The following THSD4 variants were observed in gnomAD, a reference collection of about 807,000 sequenced individuals.
The protein encoded by THSD4 is thrombospondin type 1 domain containing 4.
THSD4 carries 69 observed loss-of-function variants against 119.0 expected under a neutral mutation model. The ratio of observed to expected loss-of-function variants is 0.58; its 90% confidence interval spans 0.48 to 0.71. The LOEUF (loss-of-function observed/expected upper bound fraction) is 0.71. Ranked by LOEUF, THSD4 falls within the 30% of genes least tolerant of loss-of-function variation. The probability of loss-of-function intolerance (pLI) is 0.00; values close to 1 mark genes in which losing one functional copy is unlikely to be tolerated. For missense variants in THSD4, 1,393 were observed against 1,391.1 expected (o/e 1.00, Z -0.02); for synonymous variants, 524 against 540.4 (o/e 0.97, Z 0.42).
intron 7 of THSD4, among the ~76,000 whole-genome samples, chr15:71,654,551 A>G (rs576144565): frequency 1.3e-5 from 2 of 152,218 alleles, no homozygotes; most frequent in Non-Finnish European, 2.9e-5. Context: ...CAAACGGTCT[A>G]TATTGCTAAA....
At chr15:71,712,152 A>T (rs2052529542) in intron 8 of THSD4, among the ~76,000 whole-genome samples, 1 of 152,208 alleles carries the variant, frequency 6.6e-6, no homozygotes, top group Non-Finnish European at 1.5e-5. Flanking sequence ...CTATAATATA[A>T]ACATCGCTTT....
chr15:71,777,106 A>T (rs1283412375), intron 17 of THSD4, 126 bp from the exon 18 acceptor site: 3 of 1,091,380 alleles, frequency 2.7e-6, no homozygotes, highest in Non-Finnish European at 2.7e-6. Flanking sequence ...GCACACATTC[A>T]TACCCCACAA....
rs2040354883 is a variant in THSD4 at position 71,115,784 on chromosome 15, C to T, written c.-80+86C>T. On this transcript the variant is annotated intron_variant, in intron 1 of 17. Coordinates refer to ENST00000261862, the MANE Select transcript of THSD4 (RefSeq NM_024817.3). This position sits in a 1 kb window ranked among gnomAD's most constrained non-coding sequence, Gnocchi z 4.4. ...TCCGCTGCCCAGGCTCCGGCTCCCG[C>T]TCTCTGGCCGGCGGGGCGGGCTGGC... is the stretch of plus-strand genomic sequence containing the variant. 1 of 150,138 alleles carries T rather than the reference C, an allele frequency of 6.7e-6. No individual in the cohort carries two copies. The highest frequency in any genetic ancestry group is 2.4e-5 in the African/African-American group (1 of 41,210). 9.3% of individuals were successfully genotyped at this position (150,138 alleles called of 1,614,324 possible).
chr15:71,641,326 C>T (rs1419599975), intron 7 of THSD4, among the ~76,000 whole-genome samples: 1 of 151,796 alleles, frequency 6.6e-6, no homozygotes, highest in African/African-American at 2.4e-5. Context: ...GAAATCTAAT[C>T]TTTCTTCCAA....
At chr15:71,181,005 A>G (rs1197635290) in intron 3 of THSD4, among the ~76,000 whole-genome samples, 1 of 152,224 alleles carries the variant, frequency 6.6e-6, no homozygotes, top group Non-Finnish European at 1.5e-5. Context: ...TGAAATGGCA[A>G]TAAAAGTCTC....
At chr15:71,313,836 C>G (rs1339872494) in intron 6 of THSD4, among the ~76,000 whole-genome samples, 1 of 152,156 alleles carries the variant, frequency 6.6e-6, no homozygotes, top group African/African-American at 2.4e-5. Flanking sequence ...CATGCCATTG[C>G]TGGTATCATT....
chr15:71,462,119 T>C (rs572105365), intron 7 of THSD4, among the ~76,000 whole-genome samples: 3 of 152,264 alleles, frequency 2.0e-5, no homozygotes, highest in African/African-American at 4.8e-5. Context: ...TTTTTCTTTT[T>C]CATATTGTCT....
Position 71,553,034 on chromosome 15 carries a change from C to T in THSD4, c.1153-107496C>T, listed in dbSNP as rs1181583899. Among the ~76,000 whole-genome samples the T allele has an allele frequency of 4.6e-5, 7 of 152,160 alleles. No individual in the cohort carries two copies. In the East Asian group the frequency reaches 1.3e-3, roughly 29 times the overall value. On this transcript the variant is annotated intron_variant, in intron 7 of 17. Transcript: ENST00000261862. ...GTTCTTCTTTACCCTCATTCTCTCC[C>T]CTATCCTTCTTCCCTGCCAAGATGA...
At position 71,205,259 on chromosome 15, in the gene THSD4, G is replaced by T. The variant is rs546865230; in HGVS notation, c.100-9776G>T. Among the ~76,000 whole-genome samples the T allele has an allele frequency of 5.6e-3, 854 of 152,300 alleles. 5 individuals are homozygous for T. The highest frequency in any genetic ancestry group is 0.02 in the African/African-American group (818 of 41,550). On this transcript the variant is annotated intron_variant, in intron 3 of 17. Coordinates refer to ENST00000261862, the MANE Select transcript of THSD4 (RefSeq NM_024817.3). The stretch of plus-strand genomic sequence containing the variant: ...GCAGGGGCATGTCCACGTGTTCAGG[G>T]TATACACTCAATAACATATACTTGG...
At chr15:71,479,030 T>C (rs2047687954) in intron 7 of THSD4, among the ~76,000 whole-genome samples, 2 of 151,786 alleles carry the variant, frequency 1.3e-5, no homozygotes, top group African/African-American at 4.8e-5. Context: ...CCCCCAGTAG[T>C]GCAGTGGCAG....
At chr15:71,377,889 C>CACACACACACACACACACAA (rs1239764002) in intron 6 of THSD4, among the ~76,000 whole-genome samples, 61 of 84,080 alleles carry the variant, frequency 7.3e-4, no homozygotes, top group Non-Finnish European at 1.0e-3. Context: ...CACACACACA[C>CACACACACACACACACACAA]ACACACACAC....
At chr15:71,492,239 C>T (rs1251981072) in intron 7 of THSD4, among the ~76,000 whole-genome samples, 4 of 150,982 alleles carry the variant, frequency 2.6e-5, no homozygotes, top group African/African-American at 4.9e-5. Context: ...GGCTGTTCCT[C>T]GTCTTAGGTT....
At chr15:71,749,599 C>T (rs376159082) in intron 14 of THSD4, among the ~76,000 whole-genome samples, 5 of 152,066 alleles carry the variant, frequency 3.3e-5, no homozygotes, top group Non-Finnish European at 7.4e-5. Context: ...ACCTGTGAAC[C>T]GCATTAAAGT....
intron 3 of THSD4, chr15:71,165,117 C>T: frequency 6.2e-7 from 1 of 1,611,188 alleles, no homozygotes. Flanking sequence ...AGGAAGAAGG[C>T]CGAAGGAGGC....
At chr15:71,161,521 G>A (rs1393413556) in intron 3 of THSD4, among the ~76,000 whole-genome samples, 2 of 151,742 alleles carry the variant, frequency 1.3e-5, no homozygotes, top group Admixed American at 6.6e-5. Flanking sequence ...TTACAGTTTT[G>A]GATTTAAAGT....
At chr15:71,472,592 T>C (rs1218538605) in intron 7 of THSD4, among the ~76,000 whole-genome samples, 2 of 152,022 alleles carry the variant, frequency 1.3e-5, no homozygotes, top group Non-Finnish European at 2.9e-5. Context: ...ACGGGCAGAG[T>C]TCCACAGCAG....
At chr15:71,362,417 G>A (rs766833684) in intron 6 of THSD4, among the ~76,000 whole-genome samples, 2 of 152,164 alleles carry the variant, frequency 1.3e-5, no homozygotes, top group African/African-American at 2.4e-5. Context: ...AGGCAAGATT[G>A]TAGAACAAAT....
intron 6 of THSD4, among the ~76,000 whole-genome samples, chr15:71,374,147 C>T (rs2046098916): frequency 6.6e-6 from 1 of 152,192 alleles, no homozygotes; most frequent in South Asian, 2.1e-4. Context: ...TTCTAGTGCT[C>T]AGTACTACAG....
chr15:71,775,178 A>G (rs147668289), intron 17 of THSD4, among the ~76,000 whole-genome samples: 1 of 152,306 alleles, frequency 6.6e-6, no homozygotes, highest in Admixed American at 6.5e-5. Flanking sequence ...TTACATTTCT[A>G]TAACTAGAAG....
Sources: gnomAD v4.1 joint callset for allele counts (sites outside exome capture counted in the v4.1 genomes callset) on GRCh38, gnomAD v4.1.1 for gene constraint, Gnocchi (gnomAD v3.1) non-coding constraint, MANE v1.5 for transcripts, NCBI Gene and HGNC (gene_info 2026-07-23, HGNC 2026-07-21) for gene names.